GPT2: variants seen among roughly 807,000 people sequenced by gnomAD.
The protein encoded by GPT2 is glutamic--pyruvic transaminase 2.
GPT2 carries 30 observed loss-of-function variants against 56.9 expected under a neutral mutation model. The ratio of observed to expected loss-of-function variants is 0.53; its 90% CI spans 0.39 to 0.72. The LOEUF is 0.72. Among genes scored for constraint, GPT2 ranks in the 30% least tolerant of loss-of-function variants. The pLI, the probability that GPT2 is intolerant of heterozygous loss-of-function variation, is 0.00. For synonymous variants in GPT2, 271 were observed against 283.1 expected (o/e 0.96, Z 0.43); for missense variants, 542 against 703.4 (o/e 0.77, Z 2.60).
chr16:46,898,570 G>T (rs1053368226), intron 3 of GPT2, among the ~76,000 whole-genome samples: 1 of 151,976 alleles, frequency 6.6e-6, no homozygotes, highest in Non-Finnish European at 1.5e-5. Flanking sequence ...TTGTCGCCCA[G>T]GTTTGTTTTT....
intron 3 of GPT2, among the ~76,000 whole-genome samples, chr16:46,900,203 A>G (rs2143413680): frequency 6.6e-6 from 1 of 151,562 alleles, no homozygotes; most frequent in East Asian, 2.0e-4. Context: ...GAGAAGAGAA[A>G]GCTGGTCCAG....
intron 2 of GPT2, among the ~76,000 whole-genome samples, chr16:46,887,919 G>C (rs1960516408): frequency 6.6e-6 from 1 of 152,180 alleles, no homozygotes; most frequent in South Asian, 2.1e-4. Context: ...TCTTAGAGGG[G>C]CCTTGCTTCT....
chr16:46,891,601 G>A (rs1036948582), intron 2 of GPT2, among the ~76,000 whole-genome samples: 3 of 152,012 alleles, frequency 2.0e-5, no homozygotes, highest in Non-Finnish European at 4.4e-5. Context: ...CGCCTGTCTC[G>A]GCCTCCCAAA....
At chr16:46,890,862 C>CT (rs952520012) in intron 2 of GPT2, among the ~76,000 whole-genome samples, 2 of 152,050 alleles carry the variant, frequency 1.3e-5, no homozygotes, top group African/African-American at 2.4e-5. Flanking sequence ...TTTGTTTTGG[C>CT]TTTTTTTGTT....
intron 2 of GPT2, among the ~76,000 whole-genome samples, 177 bp from the exon 3 acceptor site, chr16:46,897,471 G>T (rs1960704346): frequency 6.6e-6 from 1 of 152,120 alleles, no homozygotes; most frequent in Non-Finnish European, 1.5e-5. Flanking sequence ...CTTCCTCATG[G>T]GGTGGCTGTG....
chr16:46,893,639 C>T (rs911929819), intron 2 of GPT2, among the ~76,000 whole-genome samples: 3 of 152,176 alleles, frequency 2.0e-5, no homozygotes, highest in East Asian at 1.9e-4. Context: ...CTGCTAACAC[C>T]CTATGAAATA....
In GPT2 at chr16:46,890,894, A is replaced by G. The variant is rs184511375; in HGVS notation, c.243+5936A>G. Among the ~76,000 whole-genome samples, 728 of 152,196 alleles carry G rather than the reference A, an allele frequency of 4.8e-3. 1 individual carries two copies. Among genetic ancestry groups the G allele is most frequent in the Non-Finnish European group, 7.4e-3 (506 of 68,014 alleles). ...TGTTGTTGTTTGTTTTGTTTTTGAG[A>G]TGGAGTTTCGCTCTTGTTGCCCAGG... On this transcript the variant is annotated intron_variant, in intron 2 of 11. Transcript: ENST00000340124.
chr16:46,929,134 A>G lies in GPT2; in HGVS notation c.*137A>G. The G allele has an allele frequency of 1.5e-6, 1 of 667,240 alleles. No individual in the cohort carries two copies. The highest frequency in any genetic ancestry group is 1.7e-5 in the South Asian group (1 of 58,712). 41.3% of individuals were successfully genotyped at this position (667,240 alleles called of 1,614,324 possible). ...CACTTCGTCATCATTTTGCCCCTGG[A>G]GACGTCTTTCTTTGTGCCTTGATGT... On this transcript the variant is annotated 3_prime_UTR_variant, in exon 12 of 12. Coordinates refer to ENST00000340124, the MANE Select transcript of GPT2 (RefSeq NM_133443.4).
In GPT2 at chr16:46,929,402, A is replaced by G. The variant is rs963111102; in HGVS notation, c.*405A>G. The G allele has an allele frequency of 2.2e-5, 5 of 224,092 alleles. No homozygotes were observed. The highest frequency in any genetic ancestry group is 5.0e-5 in the Admixed American group (1 of 19,964). 13.9% of individuals were successfully genotyped at this position (224,092 alleles called of 1,614,324 possible). On this transcript the variant is annotated 3_prime_UTR_variant, in exon 12 of 12. Coordinates refer to ENST00000340124, the MANE Select transcript of GPT2 (RefSeq NM_133443.4). ...GGGCTGGAAATCCAAACTCACCACC[A>G]TGATCTGTGAAATAAAGCCCTTAGC...
chr16:46,895,584 G>T (rs772747257), intron 2 of GPT2, among the ~76,000 whole-genome samples: 1 of 151,776 alleles, frequency 6.6e-6, no homozygotes, highest in Non-Finnish European at 1.5e-5. Flanking sequence ...GAGTAGTGAC[G>T]TAATCATAGC....
intron 5 of GPT2, among the ~76,000 whole-genome samples, 180 bp from the exon 6 acceptor site, chr16:46,909,504 G>A (rs1043805178): frequency 4.6e-5 from 7 of 152,064 alleles, no homozygotes; most frequent in Non-Finnish European, 1.5e-5. Context: ...ACTTTAGAAT[G>A]TTGTATTTTG....
Position 46,924,544 on chromosome 16 carries a change from G to A in GPT2, c.1368G>A (p.Gln456=). The change falls in exon 10 of 12, where the codon CAG becomes CAA. Residue 456 remains glutamine, a splice_region_variant and synonymous_variant. Coordinates refer to ENST00000340124, the MANE Select transcript of GPT2 (RefSeq NM_133443.4). ...CTGCCAAAGCTGTGGAGGCTGCTCA[G>A]GTCTGGGGCATGGGCTGGGCTGGCT... ...FIPAKAVEAA[Q]AHQMAPDMFY... 6.2e-7 allele frequency: 1 copy of A among 1,613,946 alleles called. No individual in the cohort carries two copies. The highest frequency in any genetic ancestry group is 1.3e-5 in the African/African-American group (1 of 75,060).
intron 7 of GPT2, 34 bp from the exon 8 acceptor site, chr16:46,918,587 C>T: frequency 6.2e-7 from 1 of 1,610,410 alleles, no homozygotes; most frequent in South Asian, 1.1e-5. Context: ...TCTTTGAGGA[C>T]CCTTTGGTGA....
rs1596638962 is a variant in GPT2, at chr16:46,928,908, A to T, written c.1483A>T (p.Met495Leu). The part of the protein sequence containing the change: ...GQREGTYHFR[M>L]TILPPVEKLK... ...TGACACTGTTGTCTCTCCTGCCAGG[A>T]TGACTATCCTCCCTCCAGTGGAGAA... The change falls in exon 12 of 12, where the codon ATG (methionine) becomes TTG (leucine). Residue 495 changes from methionine (M) to leucine (L), a missense_variant and splice_region_variant. Met to Leu is a conservative substitution (Grantham distance 15). Coordinates refer to ENST00000340124, the MANE Select transcript of GPT2 (RefSeq NM_133443.4). 6.2e-7 allele frequency: 1 copy of T among 1,613,064 alleles called. No individual in the cohort carries two copies. Among genetic ancestry groups the T allele is most frequent in the Non-Finnish European group, 8.5e-7 (1 of 1,179,064 alleles).
intron 7 of GPT2, among the ~76,000 whole-genome samples, chr16:46,917,765 G>GACAC (rs941167861): frequency 2.6e-5 from 4 of 151,786 alleles, no homozygotes; most frequent in Admixed American, 1.3e-4. Context: ...CACGTACATA[G>GACAC]ACACACACAC....
In GPT2 at chr16:46,923,651, G is replaced by A. The variant is rs143961273; in HGVS notation, c.1213-738G>A. Among the ~76,000 whole-genome samples the A allele has an allele frequency of 9.8e-3, 1,498 of 152,286 alleles. 8 individuals are homozygous for A. The highest frequency in any genetic ancestry group is 0.015 in the Non-Finnish European group (1,008 of 68,024). On this transcript the variant is annotated intron_variant, in intron 9 of 11. Coordinates refer to ENST00000340124, the MANE Select transcript of GPT2 (RefSeq NM_133443.4). ...CCCACACCTTCCACGCCACTTGGCC[G>A]GCGGCACCTGTGGAAGCCCTGGACG...
intron 9 of GPT2, 50 bp from the exon 10 acceptor site, chr16:46,924,339 A>C: frequency 1.3e-6 from 2 of 1,599,964 alleles, no homozygotes; most frequent in Non-Finnish European, 1.7e-6. Context: ...GGCTGGAGTG[A>C]ATCTTTATCC....
intron 2 of GPT2, among the ~76,000 whole-genome samples, chr16:46,886,194 C>T (rs1960480207): frequency 1.3e-5 from 2 of 152,176 alleles, no homozygotes; most frequent in Non-Finnish European, 2.9e-5. Flanking sequence ...TCTGTGCCTC[C>T]CTGGCCCAGA....
At chr16:46,924,598 G>A in intron 10 of GPT2, 54 bp downstream of exon 10, 1 of 1,596,602 alleles carries the variant, frequency 6.3e-7, no homozygotes, top group Middle Eastern at 1.7e-4. Context: ...CTGAGATGCT[G>A]GGTTGGGGGC....
Sources: allele counts gnomAD v4.1 joint callset (sites outside exome capture counted in the v4.1 genomes callset), GRCh38; gene constraint gnomAD v4.1.1; transcripts MANE v1.5; gene names NCBI Gene and HGNC (gene_info 2026-07-23, HGNC 2026-07-21).